Variants in TNIP2 observed in about 807,000 individuals in gnomAD.
TNIP2 encodes TNFAIP3 interacting protein 2, also known as TNFAIP3-interacting protein 2.
In TNIP2, 30 loss-of-function variants were observed where a neutral mutation model predicts 43.7. That is an observed-to-expected ratio of 0.69 (90% CI 0.51 to 0.93). TNIP2 has a LOEUF of 0.93. Among genes scored for constraint, TNIP2 ranks in the 40% least tolerant of loss-of-function variants. TNIP2 has a pLI of 0.00. For synonymous variants in TNIP2, 260 were observed against 254.6 expected, an observed-to-expected ratio of 1.02 and a Z score of -0.20; for missense variants, 599 against 591.0, an observed-to-expected ratio of 1.01 and a Z score of -0.14.
chr4:2,756,200 C>T lies in TNIP2; in HGVS notation c.90G>A (p.Arg30=), dbSNP rs889179647. Residue 30 remains arginine (R), a synonymous_variant, in exon 1 of 6, where the codon CGG becomes CGA. Coordinates refer to ENST00000315423, the MANE Select transcript of TNIP2 (RefSeq NM_024309.4). ...CGAGCTGGTCCTGCAGGCGGCGCAGCCGCTGTCCGGCCTCGTGGTACAGGG... is the reference window on the plus strand; with the variant it reads ...CGAGCTGGTCCTGCAGGCGGCGCAGTCGCTGTCCGGCCTCGTGGTACAGGG... ...LCTLYHEAGQ[R]LRRLQDQLAA... 2 of 1,475,010 alleles carry T rather than the reference C, an allele frequency of 1.4e-6. No individual in the cohort carries two copies. The highest frequency in any genetic ancestry group is 1.8e-6 in the Non-Finnish European group (2 of 1,121,154). 91.4% of individuals were successfully genotyped at this position (1,475,010 alleles called of 1,614,324 possible). A position where few individuals can be genotyped will look rare whatever the true frequency, so the allele number is the denominator to read the frequency against.
At chr4:2,749,258 C>T (rs1722042614) in intron 1 of TNIP2, among the ~76,000 whole-genome samples, 1 of 152,232 alleles carries the variant, frequency 6.6e-6, no homozygotes, top group Non-Finnish European at 1.5e-5. Context: ...AGGCTCAAGC[C>T]ACCACACCCA....
chr4:2,750,468 C>T (rs943224802), intron 1 of TNIP2, among the ~76,000 whole-genome samples: 7 of 151,422 alleles, frequency 4.6e-5, no homozygotes, highest in Non-Finnish European at 8.8e-5. Context: ...GCCCTGACAC[C>T]GAGGCTGCAA....
Position 2,742,452 on chromosome 4 carries a change from G to T in TNIP2, c.1095C>A (p.Asp365Glu). 1.2e-6 allele frequency: 2 copies of T among 1,611,084 alleles called. No homozygotes were observed. Among genetic ancestry groups the T allele is most frequent in the Admixed American group, 1.7e-5 (1 of 59,706 alleles). The change falls in exon 6 of 6, where the codon GAC becomes GAA. Residue 365 changes from aspartate to glutamate, a missense_variant. Transcript: ENST00000315423. ...CACCAGGCACCATAAGCTCTAATGC[G>T]TCGGCGGCCAAATACTTGGCAGTTT... Reference protein sequence around the residue: ...GSKTAKYLAADALELMVPGGW... With the variant: ...GSKTAKYLAAEALELMVPGGW...
At chr4:2,751,257 G>A (rs1316908720) in intron 1 of TNIP2, among the ~76,000 whole-genome samples, 2 of 152,218 alleles carry the variant, frequency 1.3e-5, no homozygotes, top group African/African-American at 4.8e-5. Flanking sequence ...GGTACGAGCT[G>A]GAGTTGTGGG....
chr4:2,744,248 C>A lies in TNIP2; in HGVS notation c.1026+139G>T. The A allele has an allele frequency of 8.9e-7, 1 of 1,117,718 alleles. No homozygotes were observed. The highest frequency in any genetic ancestry group is 1.5e-5 in the South Asian group (1 of 65,160). 69.2% of individuals were successfully genotyped at this position (1,117,718 alleles called of 1,614,324 possible). A position where few individuals can be genotyped will look rare whatever the true frequency, so the allele number is the denominator to read the frequency against. On this transcript the variant is annotated intron_variant, in intron 5 of 5. Transcript: ENST00000315423. The surrounding 1 kb of genome is among the most constrained non-coding windows in gnomAD (Gnocchi z 5.1). The stretch of plus-strand genomic sequence containing the variant: ...CAGGTACCAGGCCAGGTGGCTCTCC[C>A]CACAGCAGGGAGGGGCTCGCCACAA...
Position 2,744,831 on chromosome 4 carries a change from T to C in TNIP2, c.772A>G (p.Arg258Gly), listed in dbSNP as rs760702260. The change falls in exon 4 of 6, where the codon AGG (arginine) becomes GGG (glycine). Residue 258 changes from arginine to glycine, a missense_variant. Coordinates refer to ENST00000315423, the MANE Select transcript of TNIP2 (RefSeq NM_024309.4). This position sits in a 1 kb window ranked among gnomAD's most constrained non-coding sequence, Gnocchi z 5.1. The part of the protein sequence containing the change: ...LQIPHEPELM[R>G]KEISRLNRQL... ...CTGTTGAGCCGGGAGATCTCCTTCCTCATCAGCTCGGGCTCGTGGGGGATC... is the reference window on the plus strand; with the variant it reads ...CTGTTGAGCCGGGAGATCTCCTTCCCCATCAGCTCGGGCTCGTGGGGGATC... 1 of 1,613,966 alleles carries C rather than the reference T, an allele frequency of 6.2e-7. No homozygotes were observed. Among genetic ancestry groups the C allele is most frequent in the South Asian group, 1.1e-5 (1 of 91,092 alleles).
At position 2,750,345 on chromosome 4, in the gene TNIP2, T is replaced by C. The variant is rs1722068361; in HGVS notation, c.277-2400A>G. Reference sequence around the variant, plus strand: ...AGGGACAGAGACCGGGAACCTAGAATGTTCTCATCACAATGGAACAAAATA... The same window carrying C: ...AGGGACAGAGACCGGGAACCTAGAACGTTCTCATCACAATGGAACAAAATA... On this transcript the variant is annotated intron_variant, in intron 1 of 5. Coordinates refer to ENST00000315423, the MANE Select transcript of TNIP2 (RefSeq NM_024309.4). Among the ~76,000 whole-genome samples, 3 of 152,022 alleles carry C rather than the reference T, an allele frequency of 2.0e-5. No individual in the cohort carries two copies. In the South Asian group the frequency reaches 6.2e-4, roughly 32 times the overall value.
chr4:2,742,631 C>A (rs1004165363), intron 5 of TNIP2, 111 bp from the exon 6 acceptor site: 1 of 1,247,568 alleles, frequency 8.0e-7, no homozygotes, highest in African/African-American at 1.6e-5. Flanking sequence ...GGAACTTCAG[C>A]CCCTCACTTT....
Position 2,747,536 on chromosome 4 carries a change from C to G in TNIP2, c.567+119G>C, listed in dbSNP as rs540200605. ...GAGCTTTGCCCCGTCAGCTGACTCT[C>G]GTTACTGAGAACAGAAGTGGGTTCT... On this transcript the variant is annotated intron_variant, in intron 2 of 5. Coordinates refer to ENST00000315423, the MANE Select transcript of TNIP2 (RefSeq NM_024309.4). 19 of 1,022,244 alleles carry G rather than the reference C, an allele frequency of 1.9e-5. No homozygotes were observed. The African/African-American group carries it at 1.9e-4, about 10-fold the overall frequency. 63.3% of individuals were successfully genotyped at this position (1,022,244 alleles called of 1,614,324 possible).
In TNIP2 at chr4:2,744,720, G is replaced by C. The variant is rs767320282; in HGVS notation, c.883C>G (p.Arg295Gly). 2 of 1,604,436 alleles carry C rather than the reference G, an allele frequency of 1.2e-6. No homozygotes were observed. The highest frequency in any genetic ancestry group is 1.7e-6 in the Non-Finnish European group (2 of 1,179,850). ...ACCTGCTGTTCCAGCATCTGCACCCGCTCCAACGCAGCATCCCGGGCCGTC... is the reference window on the plus strand; with the variant it reads ...ACCTGCTGTTCCAGCATCTGCACCCCCTCCAACGCAGCATCCCGGGCCGTC... ...SRTARDAALE[R>G]VQMLEQQILA... The change falls in exon 4 of 6, where the codon CGG becomes GGG. Residue 295 changes from arginine (R) to glycine (G), a missense_variant. Transcript: ENST00000315423. This position sits in a 1 kb window ranked among gnomAD's most constrained non-coding sequence, Gnocchi z 5.1.
At position 2,747,733 on chromosome 4, in the gene TNIP2, G is replaced by C; in HGVS notation, c.489C>G (p.His163Gln). ...GACACTTGGCCAGATGCTGACACAT[G>C]TGGGCGGTGGCGGTCAGCGTCCTCC... ...QLRRTLTATA[H>Q]MCQHLAKCLD... is the part of the protein sequence containing the mutation. The change falls in exon 2 of 6, where the codon CAC (histidine) becomes CAG (glutamine). Residue 163 changes from histidine (H) to glutamine (Q), a missense_variant. Transcript: ENST00000315423. 6.2e-7 allele frequency: 1 copy of C among 1,607,466 alleles called. No homozygotes were observed. The highest frequency in any genetic ancestry group is 8.5e-7 in the Non-Finnish European group (1 of 1,179,988).
rs529070760 is a variant in TNIP2, at chr4:2,755,227, GCACA to G, written c.276+783_276+786del. 8.6e-5 allele frequency among the ~76,000 whole-genome samples: 13 copies of G among 151,636 alleles called. No homozygotes were observed. The South Asian group carries it at 2.7e-3, about 32-fold the overall frequency. Reference sequence around the variant, plus strand: ...ACACACCCCTCAGAATGTGTCTCCCGCACACACACCTCAAAACACCCCTAAGAAC... The same window carrying G: ...ACACACCCCTCAGAATGTGTCTCCCGCACACCTCAAAACACCCCTAAGAAC... On this transcript the variant is annotated intron_variant, in intron 1 of 5. Transcript: ENST00000315423.
intron 3 of TNIP2, among the ~76,000 whole-genome samples, 167 bp from the exon 4 acceptor site, chr4:2,745,112 G>C (rs1721910732): frequency 6.6e-6 from 1 of 152,242 alleles, no homozygotes; most frequent in Non-Finnish European, 1.5e-5. Context: ...AGGCCCGCTA[G>C]AGAATCCTGA....
Position 2,756,154 on chromosome 4 carries a change from C to T in TNIP2, c.136G>A (p.Ala46Thr), listed in dbSNP as rs1351301755. 1.4e-6 allele frequency: 2 copies of T among 1,476,512 alleles called. No homozygotes were observed. Among genetic ancestry groups the T allele is most frequent in the East Asian group, 5.9e-5 (2 of 33,956 alleles). 91.5% of individuals were successfully genotyped at this position (1,476,512 alleles called of 1,614,324 possible). The part of the protein sequence containing the change: ...DQLAARDALI[A>T]RLRARLAALE... ...GCGGCCAGGCGGGCGCGGAGGCGAG[C>T]GATGAGGGCGTCGCGGGCAGCGAGC... Residue 46 changes from alanine (A) to threonine (T), a missense_variant, in exon 1 of 6, where the codon GCT becomes ACT. Coordinates refer to ENST00000315423, the MANE Select transcript of TNIP2 (RefSeq NM_024309.4).
intron 1 of TNIP2, among the ~76,000 whole-genome samples, chr4:2,749,803 A>C (rs1275700985): frequency 6.6e-6 from 1 of 152,190 alleles, no homozygotes; most frequent in Non-Finnish European, 1.5e-5. Context: ...GAATTTAAAA[A>C]GGTTCTTAAA....
intron 5 of TNIP2, among the ~76,000 whole-genome samples, chr4:2,743,160 G>T (rs561536683): frequency 6.6e-6 from 1 of 152,272 alleles, no homozygotes; most frequent in South Asian, 2.1e-4. Context: ...TGGGACTACA[G>T]CTTATCACCC....
In TNIP2 at chr4:2,744,684, G is replaced by A. The variant is rs200315962; in HGVS notation, c.906+13C>T. On this transcript the variant is annotated intron_variant, in intron 4 of 5. Coordinates refer to ENST00000315423, the MANE Select transcript of TNIP2 (RefSeq NM_024309.4). The surrounding 1 kb of genome is among the most constrained non-coding windows in gnomAD (Gnocchi z 5.1). ...ATCTGGTCAGTGCCGTCCGGAGCCCGAGGGACAGACACCTGCTGTTCCAGC... is the reference window on the plus strand; with the variant it reads ...ATCTGGTCAGTGCCGTCCGGAGCCCAAGGGACAGACACCTGCTGTTCCAGC... 32 of 1,597,342 alleles carry A rather than the reference G, an allele frequency of 2.0e-5. No individual in the cohort carries two copies. Among genetic ancestry groups the A allele is most frequent in the African/African-American group, 1.7e-4 (13 of 74,966 alleles).
Position 2,744,684 on chromosome 4 carries a change from G to C in TNIP2, c.906+13C>G. 6.3e-7 allele frequency: 1 copy of C among 1,597,342 alleles called. No individual in the cohort carries two copies. The highest frequency in any genetic ancestry group is 8.5e-7 in the Non-Finnish European group (1 of 1,176,612). ...ATCTGGTCAGTGCCGTCCGGAGCCC[G>C]AGGGACAGACACCTGCTGTTCCAGC... On this transcript the variant is annotated intron_variant, in intron 4 of 5. Coordinates refer to ENST00000315423, the MANE Select transcript of TNIP2 (RefSeq NM_024309.4). The surrounding 1 kb of genome is among the most constrained non-coding windows in gnomAD (Gnocchi z 5.1).
In TNIP2 at chr4:2,744,454, G is replaced by C. The variant is rs779918256; in HGVS notation, c.959C>G (p.Ala320Gly). ...CTCCAGTTCTTGAATCCTACTTTGA[G>C]CCCGTTCCCGATCGGCCCTTTCTGA... ...FMSERADRERAQSRIQELEEK... is the reference protein window; with the variant it reads ...FMSERADRERGQSRIQELEEK... Residue 320 changes from alanine (A) to glycine (G), a missense_variant, in exon 5 of 6, where the codon GCT becomes GGT. Physicochemically the swap from Ala to Gly is moderately conservative, Grantham distance 60. Transcript: ENST00000315423. The surrounding 1 kb of genome is among the most constrained non-coding windows in gnomAD (Gnocchi z 5.1). The C allele has an allele frequency of 5.0e-6, 8 of 1,614,188 alleles. No homozygotes were observed. In the South Asian group the frequency reaches 8.8e-5, roughly 18 times the overall value.
Sources: allele counts gnomAD v4.1 joint callset (sites outside exome capture counted in the v4.1 genomes callset), GRCh38; gene constraint gnomAD v4.1.1; non-coding constraint Gnocchi (gnomAD v3.1); transcripts MANE v1.5; gene names NCBI Gene and HGNC (gene_info 2026-07-23, HGNC 2026-07-21).